Variants in NECTIN3 observed in about 807,000 individuals in gnomAD.
NECTIN3 encodes the protein nectin-3.
A neutral mutation model predicts 49.4 loss-of-function variants in NECTIN3; 8 were observed. That is an observed-to-expected ratio of 0.16 (90% CI 0.10 to 0.29). The LOEUF (loss-of-function observed/expected upper bound fraction) is 0.29. Among genes scored for constraint, NECTIN3 ranks in the 10% least tolerant of loss-of-function variants. The pLI is 1.00. For missense variants in NECTIN3, 581 were observed against 654.6 expected (o/e 0.89, Z 1.23); for synonymous variants, 277 against 241.1 (o/e 1.15, Z -1.38).
chr3:111,180,926 C>A (rs1181912924), intron 7 of NECTIN3, among the ~76,000 whole-genome samples: 1 of 152,084 alleles, frequency 6.6e-6, no homozygotes, highest in Non-Finnish European at 1.5e-5. Flanking sequence ...AATAAAATGA[C>A]AAGTTAGAGT....
intron 1 of NECTIN3, among the ~76,000 whole-genome samples, chr3:111,097,468 G>T (rs1576094317): frequency 6.6e-6 from 1 of 152,146 alleles, no homozygotes; most frequent in South Asian, 2.1e-4. Context: ...TTTTTGAAAT[G>T]TGAGGACATG....
At chr3:111,184,357 T>C (rs1268775331) in intron 7 of NECTIN3, among the ~76,000 whole-genome samples, 1 of 152,244 alleles carries the variant, frequency 6.6e-6, no homozygotes, top group Non-Finnish European at 1.5e-5. Flanking sequence ...ATACTGTTGA[T>C]CTAATCACCT....
At chr3:111,119,575 C>T (rs2033855311) in intron 3 of NECTIN3, among the ~76,000 whole-genome samples, 1 of 152,204 alleles carries the variant, frequency 6.6e-6, no homozygotes, top group Non-Finnish European at 1.5e-5. Flanking sequence ...TGTGATCCTC[C>T]CGCCTTGGTC....
intron 1 of NECTIN3, among the ~76,000 whole-genome samples, chr3:111,108,175 AT>A (rs2033269459): frequency 6.6e-6 from 1 of 151,978 alleles, no homozygotes. Context: ...TTACATTAGT[AT>A]TTGTTTACTA....
At chr3:111,076,907 A>C (rs2031238279) in intron 1 of NECTIN3, among the ~76,000 whole-genome samples, 1 of 150,076 alleles carries the variant, frequency 6.7e-6, no homozygotes, top group Admixed American at 6.7e-5. Flanking sequence ...CCCCAGGGGG[A>C]GGAGGCTGCA....
At chr3:111,125,793 A>G (rs929911137) in intron 4 of NECTIN3, among the ~76,000 whole-genome samples, 2 of 152,158 alleles carry the variant, frequency 1.3e-5, no homozygotes, top group African/African-American at 4.8e-5. Context: ...AAAATTGTAG[A>G]TATGTCATGA....
rs537970338 is a variant in NECTIN3 at position 111,165,371 on chromosome 3, T to C, written c.1221+17887T>C. Reference sequence around the variant, plus strand: ...TTTTTTTTTAAAGCATTCTTTTTGCTGTCCACATTATGGTACCTGAACTGA... The same window carrying C: ...TTTTTTTTTAAAGCATTCTTTTTGCCGTCCACATTATGGTACCTGAACTGA... On this transcript the variant is annotated intron_variant, in intron 7 of 8. Coordinates refer to the NECTIN3 transcript ENST00000493615. 2.0e-5 allele frequency among the ~76,000 whole-genome samples: 3 copies of C among 152,290 alleles called. No individual in the cohort carries two copies. The South Asian group carries it at 6.2e-4, about 32-fold the overall frequency.
At chr3:111,103,254 C>G (rs1361934343) in intron 1 of NECTIN3, among the ~76,000 whole-genome samples, 1 of 152,054 alleles carries the variant, frequency 6.6e-6, no homozygotes, top group Non-Finnish European at 1.5e-5. Context: ...TTGAGTCTTC[C>G]TATTCAAGAA....
chr3:111,176,497 T>A (rs2035531078), intron 7 of NECTIN3, among the ~76,000 whole-genome samples: 2 of 152,190 alleles, frequency 1.3e-5, no homozygotes, highest in Non-Finnish European at 2.9e-5. Context: ...CTACAGTTAC[T>A]TCTCAATTCA....
intron 1 of NECTIN3, among the ~76,000 whole-genome samples, chr3:111,094,897 A>T (rs2107403213): frequency 6.6e-6 from 1 of 152,326 alleles, no homozygotes; most frequent in African/African-American, 2.4e-5. Flanking sequence ...TTAATGGTAG[A>T]ACCCCTCCCC....
At chr3:111,151,647 A>T (rs4682236) in intron 7 of NECTIN3, among the ~76,000 whole-genome samples, 5,859 of 151,974 alleles carry the variant, frequency 0.039, 379 homozygotes, top group African/African-American at 0.13. Flanking sequence ...CTGGAATGTT[A>T]AGCTGGTCAT....
Position 111,130,278 on chromosome 3 carries a change from T to C in NECTIN3, c.1070-3357T>C, listed in dbSNP as rs187998877. Among the ~76,000 whole-genome samples, 48 of 149,022 alleles carry C rather than the reference T, an allele frequency of 3.2e-4. No individual in the cohort carries two copies. The East Asian group carries it at 9.4e-3, about 29-fold the overall frequency. ...GCCGAGAATGTTTTTTTTTTTTTGG[T>C]AATCAGTAGTTAGACTTTACTTTTC... On this transcript the variant is annotated intron_variant, in intron 5 of 5. Transcript: ENST00000485303.
chr3:111,110,433 T>C (rs2033407055), intron 1 of NECTIN3, among the ~76,000 whole-genome samples: 1 of 152,078 alleles, frequency 6.6e-6, no homozygotes, highest in East Asian at 1.9e-4. Flanking sequence ...TGTGAGCTTT[T>C]AATGTGATGA....
intron 7 of NECTIN3, among the ~76,000 whole-genome samples, chr3:111,162,580 A>G (rs1481813589): frequency 1.3e-5 from 2 of 152,326 alleles, no homozygotes; most frequent in Non-Finnish European, 1.5e-5. Context: ...AGTCCTTTAT[A>G]GCAGTGTGAG....
chr3:111,105,703 A>G (rs1002389652), intron 1 of NECTIN3, among the ~76,000 whole-genome samples: 4 of 152,094 alleles, frequency 2.6e-5, no homozygotes, highest in Non-Finnish European at 5.9e-5. Context: ...GCTTGATTGT[A>G]CTGGCTAGAA....
chr3:111,124,723 A>G (rs937701289), intron 4 of NECTIN3, among the ~76,000 whole-genome samples: 1 of 152,166 alleles, frequency 6.6e-6, no homozygotes, highest in Non-Finnish European at 1.5e-5. Context: ...TCGCAAAACA[A>G]AATTATTCTA....
rs72937928 is a variant in NECTIN3, at chr3:111,135,363, G to C, written c.*1148G>C. The C allele has an allele frequency of 8.9e-3, 8,303 of 936,992 alleles. 530 individuals are homozygous for C. The African/African-American group carries it at 0.13, about 15-fold the overall frequency. The allele number at this position is 936,992 out of a possible 1,614,324, so 58.0% of individuals were successfully genotyped here. ...TGTGTTTTAAGATTTCTGTTTTTAC[G>C]ATTAAAACTGGAAACATGAGGTTTT... On this transcript the variant is annotated 3_prime_UTR_variant, in exon 6 of 6. Transcript: ENST00000485303.
intron 4 of NECTIN3, 50 bp downstream of exon 4, chr3:111,122,288 T>A: frequency 7.4e-7 from 1 of 1,342,334 alleles, no homozygotes; most frequent in Non-Finnish European, 1.1e-6. Context: ...GAAACCTTCT[T>A]AAATCCCCAT....
intron 1 of NECTIN3, chr3:111,192,435 A>G (rs2035829076): frequency 6.6e-7 from 1 of 1,523,858 alleles, no homozygotes; most frequent in African/African-American, 1.4e-5. Context: ...TGTTGTCGGT[A>G]TCAGCCCAGG....
Sources: gnomAD v4.1 joint callset for allele counts (sites outside exome capture counted in the v4.1 genomes callset) on GRCh38, gnomAD v4.1.1 for gene constraint, MANE v1.5 for transcripts, NCBI Gene and HGNC (gene_info 2026-07-23, HGNC 2026-07-21) for gene names.